MAST2: variants seen among roughly 807,000 people sequenced by gnomAD.
The protein encoded by MAST2 is microtubule-associated serine/threonine-protein kinase 2.
In MAST2, 70 loss-of-function variants were observed where a neutral mutation model predicts 147.4. That is an observed-to-expected ratio of 0.47 (90% CI 0.39 to 0.58). MAST2 has a LOEUF of 0.58. Ranked by LOEUF, MAST2 falls within the 20% of genes least tolerant of loss-of-function variation. The pLI is 0.00. For synonymous variants in MAST2, 869 were observed against 896.8 expected (o/e 0.97, Z 0.55); for missense variants, 2,080 against 2,302.3 (o/e 0.90, Z 1.98).
intron 5 of MAST2, among the ~76,000 whole-genome samples, chr1:45,983,522 A>AG (rs1413535630): frequency 1.4e-5 from 2 of 141,460 alleles, no homozygotes; most frequent in African/African-American, 5.3e-5. Flanking sequence ...ACAAGATCTT[A>AG]CTCTGTTACC....
At position 45,903,170 on chromosome 1, in the gene MAST2, G is replaced by A. The variant is rs150791347; in HGVS notation, c.500+20775G>A. ...TTTGGAGACAGAGTCTCACTCTGTC[G>A]CCCAGGCTGGATGCAGTGGCGTGAT... On this transcript the variant is annotated intron_variant, in intron 4 of 28. Coordinates refer to ENST00000361297, the MANE Select transcript of MAST2 (RefSeq NM_015112.3). Among the ~76,000 whole-genome samples the A allele has an allele frequency of 4.2e-4, 47 of 111,918 alleles. No homozygotes were observed. The East Asian group carries it at 0.012, about 29-fold the overall frequency. 73.4% of individuals were successfully genotyped at this position (111,918 alleles called of 152,430 possible).
intron 7 of MAST2, among the ~76,000 whole-genome samples, chr1:46,004,954 C>G (rs1182129999): frequency 6.6e-6 from 1 of 152,154 alleles, no homozygotes; most frequent in Non-Finnish European, 1.5e-5. Context: ...GCAGTTTCAG[C>G]TGCTTGGGAG....
intron 5 of MAST2, among the ~76,000 whole-genome samples, chr1:45,961,331 T>C (rs1052661077): frequency 2.0e-5 from 3 of 152,228 alleles, no homozygotes. Flanking sequence ...ACCTGACCTT[T>C]TTATCATATA....
At chr1:45,932,783 C>G (rs1655525916) in intron 4 of MAST2, among the ~76,000 whole-genome samples, 1 of 152,092 alleles carries the variant, frequency 6.6e-6, no homozygotes, top group Non-Finnish European at 1.5e-5. Context: ...TGTATCATAT[C>G]TGGTCAAGGG....
intron 5 of MAST2, among the ~76,000 whole-genome samples, chr1:45,993,892 A>G (rs1644946444): frequency 6.6e-6 from 1 of 152,142 alleles, no homozygotes; most frequent in Admixed American, 6.5e-5. Context: ...GTAATTCACT[A>G]GAATGATTCA....
intron 4 of MAST2, among the ~76,000 whole-genome samples, chr1:45,902,846 G>A (rs1388117283): frequency 6.6e-6 from 1 of 151,954 alleles, no homozygotes; most frequent in African/African-American, 2.4e-5. Flanking sequence ...TGTCATTTCT[G>A]ATTGTGCTTA....
intron 1 of MAST2, among the ~76,000 whole-genome samples, chr1:45,818,331 A>G (rs1466400983): frequency 6.6e-6 from 1 of 152,154 alleles, no homozygotes; most frequent in Admixed American, 6.5e-5. Flanking sequence ...ATTTGATGCA[A>G]GTTTGGCTTT....
intron 4 of MAST2, among the ~76,000 whole-genome samples, chr1:45,947,898 A>G (rs1213638079): frequency 1.3e-5 from 2 of 152,090 alleles, no homozygotes; most frequent in East Asian, 3.9e-4. Flanking sequence ...TTGTATTTTT[A>G]GTAGAGACAG....
chr1:45,868,614 T>G (rs1052457486), intron 3 of MAST2, among the ~76,000 whole-genome samples: 2 of 152,244 alleles, frequency 1.3e-5, no homozygotes, highest in South Asian at 4.2e-4. Flanking sequence ...CTTAATTATT[T>G]TGGAGGATAT....
At chr1:45,892,039 G>A (rs965556066) in intron 4 of MAST2, among the ~76,000 whole-genome samples, 18 of 152,288 alleles carry the variant, frequency 1.2e-4, no homozygotes, top group African/African-American at 4.1e-4. Flanking sequence ...GGAAGGTTTT[G>A]TAAGTATTGG....
intron 1 of MAST2, among the ~76,000 whole-genome samples, chr1:45,811,737 C>T (rs1018706775): frequency 4.0e-5 from 6 of 150,750 alleles, no homozygotes; most frequent in African/African-American, 1.2e-4. Context: ...GGGTTCCCGC[C>T]GTTCTCCTGC....
chr1:45,865,555 A>G (rs1356907362), intron 3 of MAST2, among the ~76,000 whole-genome samples: 1 of 152,100 alleles, frequency 6.6e-6, no homozygotes, highest in African/African-American at 2.4e-5. Context: ...GAACTTTTCT[A>G]AATTATCACT....
rs189490662 is a variant in MAST2, at chr1:46,035,242, C to T, written c.4573C>T (p.Pro1525Ser). 5.0e-6 allele frequency: 8 copies of T among 1,613,968 alleles called. No homozygotes were observed. In the East Asian group the frequency reaches 1.6e-4, roughly 31 times the overall value. ...SQGAQELSLA[P>S]HPEVSQSVAP... ...GGGTGCACAGGAGCTGAGCTTGGCA[C>T]CTCACCCAGAAGTGAGCCAGAGTGT... Residue 1525 changes from proline (P) to serine (S), a missense_variant, in exon 29 of 29, where the codon CCT (proline) becomes TCT (serine). Physicochemically the swap from Pro to Ser is moderately conservative, Grantham distance 74. This residue lies in a region of MAST2 where 1,278 missense variants were observed against 1,304.2 expected (regional missense o/e 0.98). Transcript: ENST00000361297. The surrounding 1 kb of genome is among the most constrained non-coding windows in gnomAD (Gnocchi z 5.5).
intron 4 of MAST2, chr1:45,917,355 C>G: frequency 7.3e-7 from 1 of 1,366,144 alleles, no homozygotes; most frequent in Non-Finnish European, 9.8e-7. Context: ...TACCCTTTGC[C>G]GAGGAGCTGA....
rs7533339 is a variant in MAST2, at chr1:46,014,643, C to T, written c.1188+3704C>T. On this transcript the variant is annotated intron_variant, in intron 10 of 28. Coordinates refer to ENST00000361297, the MANE Select transcript of MAST2 (RefSeq NM_015112.3). ...GAGCTAACTATCCTAAATATATATG[C>T]ACCCAATACAGGAGCACCCAGTTTC... 3.5e-3 allele frequency among the ~76,000 whole-genome samples: 531 copies of T among 152,062 alleles called. 2 individuals carry two copies. Among genetic ancestry groups the T allele is most frequent in the African/African-American group, 0.012 (483 of 41,458 alleles).
rs61201783 is a variant in MAST2, at chr1:45,894,218, T to TA, written c.500+11838dup. Among the ~76,000 whole-genome samples, 1,178 of 143,260 alleles carry TA rather than the reference T, an allele frequency of 8.2e-3. 9 individuals are homozygous for TA. Among genetic ancestry groups the TA allele is most frequent in the East Asian group, 0.035 (171 of 4,862 alleles). 94.0% of individuals were successfully genotyped at this position (143,260 alleles called of 152,430 possible). A position where few individuals can be genotyped will look rare whatever the true frequency, so the allele number is the denominator to read the frequency against. ...GTGACAGTGAGACCCTGTCTCAAAT[T>TA]AAAAAAAAAAAAAAATTACACTGAA... is the stretch of plus-strand genomic sequence containing the variant. On this transcript the variant is annotated intron_variant, in intron 4 of 28. Coordinates refer to ENST00000361297, the MANE Select transcript of MAST2 (RefSeq NM_015112.3).
At position 46,011,060 on chromosome 1, in the gene MAST2, C is replaced by T. The variant is rs1338114550; in HGVS notation, c.1188+121C>T. 6 of 803,696 alleles carry T rather than the reference C, an allele frequency of 7.5e-6. No homozygotes were observed. In the East Asian group the frequency reaches 8.1e-5, roughly 11 times the overall value. 49.8% of individuals were successfully genotyped at this position (803,696 alleles called of 1,614,324 possible). A position where few individuals can be genotyped will look rare whatever the true frequency, so the allele number is the denominator to read the frequency against. The stretch of plus-strand genomic sequence containing the variant: ...CTTCACAGACTGCTTGTTACCCACC[C>T]TCAAAGGTAGAGCTGAGGGACTTAG... On this transcript the variant is annotated intron_variant, in intron 10 of 28. Coordinates refer to ENST00000361297, the MANE Select transcript of MAST2 (RefSeq NM_015112.3).
At chr1:45,911,671 TTC>T in intron 4 of MAST2, among the ~76,000 whole-genome samples, 1 of 152,030 alleles carries the variant, frequency 6.6e-6, no homozygotes, top group East Asian at 1.9e-4. Context: ...TGATCTTAAC[TTC>T]TCTGTGTCTT....
intron 1 of MAST2, among the ~76,000 whole-genome samples, chr1:45,815,879 A>G (rs1357713091): frequency 2.0e-5 from 3 of 152,194 alleles, no homozygotes; most frequent in Admixed American, 6.6e-5. Context: ...GAGGGCTGGG[A>G]AATGTCATGT....
Sources: allele counts gnomAD v4.1 joint callset (sites outside exome capture counted in the v4.1 genomes callset), GRCh38; gene constraint gnomAD v4.1.1; regional missense constraint gnomAD v4.1.1; non-coding constraint Gnocchi (gnomAD v3.1); transcripts MANE v1.5; gene names NCBI Gene and HGNC (gene_info 2026-07-23, HGNC 2026-07-21).